The following DDAH1 variants were observed in gnomAD, a reference collection of about 807,000 sequenced individuals.
DDAH1 encodes the protein dimethylarginine dimethylaminohydrolase 1, also known as N(G),N(G)-dimethylarginine dimethylaminohydrolase 1.
DDAH1 carries 19 observed loss-of-function variants against 28.8 expected under a neutral mutation model. The ratio of observed to expected loss-of-function variants is 0.66; its 90% CI spans 0.46 to 0.97. The LOEUF is 0.97. Ranked by LOEUF, DDAH1 falls within the 50% of genes least tolerant of loss-of-function variation. DDAH1 has a pLI of 0.00. For missense variants in DDAH1, 326 were observed against 375.9 expected (o/e 0.87, Z 1.10); for synonymous variants, 153 against 154.4 (o/e 0.99, Z 0.07).
intron 2 of DDAH1, among the ~76,000 whole-genome samples, chr1:85,478,648 T>C (rs529035717): frequency 1.1e-3 from 167 of 152,344 alleles, no homozygotes; most frequent in African/African-American, 3.9e-3. Context: ...AAATTCAAGA[T>C]GATATTCGGG....
intron 1 of DDAH1, among the ~76,000 whole-genome samples, chr1:85,402,776 G>A (rs1376314554): frequency 6.6e-6 from 1 of 152,012 alleles, no homozygotes; most frequent in Non-Finnish European, 1.5e-5. Flanking sequence ...AGACACGGTG[G>A]TGGGCACCTG....
chr1:85,346,939 T>C (rs1648885096), intron 4 of DDAH1, among the ~76,000 whole-genome samples: 1 of 151,722 alleles, frequency 6.6e-6, no homozygotes, highest in African/African-American at 2.4e-5. Context: ...AACAACCCCA[T>C]CAAAAAGTGG....
At chr1:85,457,395 C>G (rs1401026126) in intron 1 of DDAH1, among the ~76,000 whole-genome samples, 1 of 152,032 alleles carries the variant, frequency 6.6e-6, no homozygotes, top group East Asian at 1.9e-4. Context: ...TGAGGTCTGT[C>G]ATAAAATCTG....
intron 1 of DDAH1, among the ~76,000 whole-genome samples, chr1:85,548,250 A>T: frequency 6.6e-6 from 1 of 152,214 alleles, no homozygotes; most frequent in East Asian, 1.9e-4. Context: ...ATTTACAGAG[A>T]TCATTTTGTT....
chr1:85,399,643 GGAGA>G (rs943027488), intron 1 of DDAH1: 1 of 152,204 alleles, frequency 6.6e-6, no homozygotes, highest in African/African-American at 2.4e-5. Flanking sequence ...CAAGAAAGCA[GGAGA>G]GAGAGATAGC....
chr1:85,555,613 T>C (rs1358405402), intron 1 of DDAH1, among the ~76,000 whole-genome samples: 2 of 152,194 alleles, frequency 1.3e-5, no homozygotes, highest in African/African-American at 4.8e-5. Context: ...CGCAGCCAGA[T>C]ATGCCCACAC....
intron 1 of DDAH1, among the ~76,000 whole-genome samples, chr1:85,430,042 A>G (rs982311476): frequency 2.6e-5 from 4 of 151,858 alleles, no homozygotes; most frequent in Admixed American, 6.6e-5. Context: ...CAAATTTGTC[A>G]CATTTAAGTC....
chr1:85,480,826 A>C (rs1655986009), intron 2 of DDAH1, among the ~76,000 whole-genome samples: 1 of 152,072 alleles, frequency 6.6e-6, no homozygotes, highest in Admixed American at 6.5e-5. Flanking sequence ...ATAATAAAAG[A>C]GTAGTTAAAT....
chr1:85,564,833 C>T (rs1439178934), intron 1 of DDAH1, among the ~76,000 whole-genome samples: 1 of 150,640 alleles, frequency 6.6e-6, no homozygotes, highest in Non-Finnish European at 1.5e-5. Context: ...CACTGCACTC[C>T]ACCCTGGGCA....
At chr1:85,382,901 T>C (rs1336942000) in intron 1 of DDAH1, among the ~76,000 whole-genome samples, 5 of 152,238 alleles carry the variant, frequency 3.3e-5, no homozygotes, top group Admixed American at 1.3e-4. Flanking sequence ...AAGCCCACTG[T>C]TGAGACCTAC....
chr1:85,437,678 T>C (rs1318639973), intron 1 of DDAH1, among the ~76,000 whole-genome samples: 1 of 152,224 alleles, frequency 6.6e-6, no homozygotes, highest in Non-Finnish European at 1.5e-5. Context: ...TAGTTAAGTT[T>C]TGGGGGAGTC....
intron 1 of DDAH1, among the ~76,000 whole-genome samples, chr1:85,497,938 T>C (rs548465161): frequency 6.6e-6 from 1 of 152,356 alleles, no homozygotes; most frequent in South Asian, 2.1e-4. Flanking sequence ...GTGATGGAAC[T>C]AGAATTACTG....
intron 1 of DDAH1, among the ~76,000 whole-genome samples, chr1:85,417,993 T>G (rs145282753): frequency 1.2e-4 from 18 of 152,330 alleles, no homozygotes; most frequent in African/African-American, 3.8e-4. Context: ...GGAAAGTCTG[T>G]AGGAAATGGT....
At chr1:85,518,400 G>A (rs1389499094) in intron 1 of DDAH1, among the ~76,000 whole-genome samples, 4 of 152,182 alleles carry the variant, frequency 2.6e-5, no homozygotes, top group Non-Finnish European at 4.4e-5. Flanking sequence ...TGCTCGTTCA[G>A]GTGTTGGCAG....
At chr1:85,415,595 T>G (rs10782549) in intron 1 of DDAH1, among the ~76,000 whole-genome samples, 124,550 of 152,164 alleles carry the variant, frequency 0.82, 51,120 homozygotes, top group Middle Eastern at 0.9. Flanking sequence ...TTAAGTAAAA[T>G]AAGTCACACA....
At chr1:85,339,155 G>A (rs978439850) in intron 4 of DDAH1, among the ~76,000 whole-genome samples, 5 of 151,674 alleles carry the variant, frequency 3.3e-5, no homozygotes, top group Admixed American at 6.6e-5. Flanking sequence ...AGTTCTTATC[G>A]TTTGCCAGGG....
At chr1:85,328,387 A>C (rs1647544151) in intron 4 of DDAH1, among the ~76,000 whole-genome samples, 1 of 152,238 alleles carries the variant, frequency 6.6e-6, no homozygotes, top group Non-Finnish European at 1.5e-5. Flanking sequence ...ACTTCTTCAT[A>C]GTAGAGTGGG....
chr1:85,392,792 A>T (rs1265600449), intron 1 of DDAH1, among the ~76,000 whole-genome samples: 21 of 5,896 alleles, frequency 3.6e-3, no homozygotes, highest in Admixed American at 0.023. Context: ...ACTCTGTCTA[A>T]AAAAAAAAAA....
intron 1 of DDAH1, chr1:85,404,432 T>C: frequency 1.3e-6 from 2 of 1,533,246 alleles, no homozygotes; most frequent in Non-Finnish European, 1.7e-6. Flanking sequence ...GGGAAGCAGT[T>C]CCTCCGCAAT....
Sources: allele counts gnomAD v4.1 joint callset (sites outside exome capture counted in the v4.1 genomes callset), GRCh38; gene constraint gnomAD v4.1.1; transcripts MANE v1.5; gene names NCBI Gene and HGNC (gene_info 2026-07-23, HGNC 2026-07-21).